Variants in LDLRAD4 observed in about 807,000 individuals in gnomAD.
LDLRAD4 encodes low density lipoprotein receptor class A domain containing 4.
Under a neutral mutation model 17.0 loss-of-function variants are expected in LDLRAD4, and 5 were observed. The ratio of observed to expected loss-of-function variants is 0.29; its 90% CI spans 0.15 to 0.62. LDLRAD4 has a LOEUF of 0.62. Among genes scored for constraint, LDLRAD4 ranks in the 20% least tolerant of loss-of-function variants. The probability of loss-of-function intolerance (pLI) is 0.84; values close to 1 mark genes in which losing one functional copy is unlikely to be tolerated. For synonymous variants in LDLRAD4, 168 were observed against 171.8 expected (o/e 0.98, Z 0.17); for missense variants, 340 against 424.7 (o/e 0.80, Z 1.75).
At position 13,612,783 on chromosome 18, in the gene LDLRAD4, C is replaced by G. The variant is rs772352393; in HGVS notation, c.182-8334C>G. 1.4e-5 allele frequency: 23 copies of G among 1,613,884 alleles called. No homozygotes were observed. The South Asian group carries it at 2.0e-4, about 14-fold the overall frequency. On this transcript the variant is annotated intron_variant, in intron 3 of 5. Coordinates refer to ENST00000359446, the Ensembl canonical transcript of LDLRAD4. ...CCTGTTCTTAAAAAAAGGTACATTT[C>G]CCAAGAACTGCTATGGATGATGCAT...
intron 1 of LDLRAD4, among the ~76,000 whole-genome samples, chr18:13,358,631 A>G (rs2083479530): frequency 6.6e-6 from 1 of 152,174 alleles, no homozygotes; most frequent in African/African-American, 2.4e-5. Flanking sequence ...GGGATAAATC[A>G]AATGTACAGA....
chr18:13,325,958 G>A (rs1332473084), intron 1 of LDLRAD4, among the ~76,000 whole-genome samples: 4 of 151,890 alleles, frequency 2.6e-5, no homozygotes, highest in African/African-American at 4.8e-5. Flanking sequence ...TAGTAGAGAC[G>A]GGGTTTCACT....
At chr18:13,371,680 G>T (rs185847177) in intron 1 of LDLRAD4, among the ~76,000 whole-genome samples, 2 of 151,924 alleles carry the variant, frequency 1.3e-5, no homozygotes, top group African/African-American at 4.8e-5. Context: ...CAGGAGAATC[G>T]CCTGAACCCG....
intron 1 of LDLRAD4, among the ~76,000 whole-genome samples, chr18:13,359,266 A>T (rs2083518219): frequency 6.6e-6 from 1 of 152,186 alleles, no homozygotes. Flanking sequence ...GAGTTGAGGG[A>T]TGGAGAGGAC....
At position 13,338,076 on chromosome 18, in the gene LDLRAD4, C is replaced by A. The variant is rs1011618515; in HGVS notation, c.-382-49265C>A. 4.6e-5 allele frequency among the ~76,000 whole-genome samples: 7 copies of A among 152,294 alleles called. No individual in the cohort carries two copies. In the East Asian group the frequency reaches 1.4e-3, roughly 29 times the overall value. ...GGTCACCTACAGCTTCAAGTTACCC[C>A]TTTTCCCTTCTCTTTCCCTTCTCCT... On this transcript the variant is annotated intron_variant, in intron 1 of 5. Coordinates refer to ENST00000359446, the Ensembl canonical transcript of LDLRAD4.
chr18:13,542,533 G>C (rs2094299562), intron 3 of LDLRAD4: 1 of 152,402 alleles, frequency 6.6e-6, no homozygotes, highest in Non-Finnish European at 1.5e-5. Flanking sequence ...TTCTGTCACA[G>C]TCCTGGGTGC....
At chr18:13,365,513 G>A (rs941935407) in intron 1 of LDLRAD4, among the ~76,000 whole-genome samples, 1 of 152,214 alleles carries the variant, frequency 6.6e-6, no homozygotes, top group Non-Finnish European at 1.5e-5. Context: ...AAAATGGATA[G>A]TGTCACTTAG....
At chr18:13,274,571 G>A (rs775081195), upstream of LDLRAD4, among the ~76,000 whole-genome samples, 9 of 152,184 alleles carry the variant, frequency 5.9e-5, no homozygotes, top group Non-Finnish European at 1.0e-4. Context: ...GCGTGGAGAC[G>A]ATGATCACGT....
chr18:13,259,814 T>G (rs1156426989), intron 1 of LDLRAD4, among the ~76,000 whole-genome samples: 1 of 152,196 alleles, frequency 6.6e-6, no homozygotes, highest in Non-Finnish European at 1.5e-5. Context: ...TCACCTGTTT[T>G]CCTTTGCTTG....
At chr18:13,638,052 T>C (rs1601856882) in intron 4 of LDLRAD4, among the ~76,000 whole-genome samples, 2 of 152,154 alleles carry the variant, frequency 1.3e-5, no homozygotes, top group Middle Eastern at 6.8e-3. Flanking sequence ...CAACCTCTTT[T>C]TACAAATAAG....
chr18:13,643,444 G>C, intron 5 of LDLRAD4, 32 bp downstream of exon 6: 1 of 697,088 alleles, frequency 1.4e-6, no homozygotes, highest in Non-Finnish European at 2.1e-6. Flanking sequence ...TGGCTGCGGG[G>C]GGCGGGGGGG....
intron 1 of LDLRAD4, among the ~76,000 whole-genome samples, chr18:13,314,386 GA>G (rs989340619): frequency 2.6e-5 from 4 of 152,158 alleles, no homozygotes; most frequent in African/African-American, 9.7e-5. Flanking sequence ...ATAATTTATT[GA>G]AAAAGCGATT....
At chr18:13,641,489 G>A (rs1020575559) in intron 4 of LDLRAD4, among the ~76,000 whole-genome samples, 2 of 152,262 alleles carry the variant, frequency 1.3e-5, no homozygotes, top group African/African-American at 4.8e-5. Context: ...GATTAGATAG[G>A]TTAAGATAGT....
intron 3 of LDLRAD4, among the ~76,000 whole-genome samples, chr18:13,556,209 TG>T (rs1424141961): frequency 1.3e-5 from 2 of 152,262 alleles, no homozygotes; most frequent in Non-Finnish European, 2.9e-5. Context: ...ATTGCATTGT[TG>T]TTTCTAGGAG....
chr18:13,514,806 GCCTCTGCAAACAT>G, intron 3 of LDLRAD4: 1 of 152,342 alleles, frequency 6.6e-6, no homozygotes. Flanking sequence ...TTGCTGCCCA[GCCTCTGCAAACAT>G]CCTGGTGCAC....
intron 4 of LDLRAD4, among the ~76,000 whole-genome samples, chr18:13,634,045 G>A (rs1204380384): frequency 6.6e-6 from 1 of 152,226 alleles, no homozygotes; most frequent in Admixed American, 6.5e-5. Context: ...AAAGTAGGAT[G>A]GAAGGAAGCT....
At chr18:13,260,675 C>T (rs1241233500) in intron 1 of LDLRAD4, among the ~76,000 whole-genome samples, 3 of 152,214 alleles carry the variant, frequency 2.0e-5, no homozygotes, top group Non-Finnish European at 2.9e-5. Context: ...CCTCTCCCTC[C>T]CTCCTTACAG....
chr18:13,624,427 A>T (rs1272049871), intron 4 of LDLRAD4, among the ~76,000 whole-genome samples: 4 of 152,166 alleles, frequency 2.6e-5, no homozygotes, highest in Admixed American at 2.6e-4. Flanking sequence ...ACTGAGTAGG[A>T]GGGGGAAACA....
At chr18:13,635,931 CTG>C (rs60695092) in intron 4 of LDLRAD4, among the ~76,000 whole-genome samples, 6,926 of 147,298 alleles carry the variant, frequency 0.047, 156 homozygotes, top group Non-Finnish European at 0.055. Context: ...GACAGCTATG[CTG>C]TGTGTGTGTG....
Sources: allele counts gnomAD v4.1 joint callset (sites outside exome capture counted in the v4.1 genomes callset), GRCh38; gene constraint gnomAD v4.1.1; transcripts MANE v1.5; gene names NCBI Gene and HGNC (gene_info 2026-07-23, HGNC 2026-07-21).